The following ZDHHC17 variants were observed in gnomAD, a reference collection of about 807,000 sequenced individuals.
ZDHHC17 encodes palmitoyltransferase ZDHHC17.
ZDHHC17 carries 40 observed loss-of-function variants against 90.3 expected under a neutral mutation model. That is an observed-to-expected ratio of 0.44 (90% CI 0.34 to 0.58). The LOEUF is 0.58. ZDHHC17 is among the 20% of genes least tolerant of loss of function. The probability of loss-of-function intolerance (pLI) is 0.01; values close to 1 mark genes in which losing one functional copy is unlikely to be tolerated. For missense variants in ZDHHC17, 614 were observed against 780.8 expected, an observed-to-expected ratio of 0.79 and a Z score of 2.55; for synonymous variants, 235 against 252.4, an observed-to-expected ratio of 0.93 and a Z score of 0.65.
At chr12:76,767,445 G>A (rs923328692) in intron 1 of ZDHHC17, among the ~76,000 whole-genome samples, 4 of 152,120 alleles carry the variant, frequency 2.6e-5, no homozygotes, top group South Asian at 2.1e-4. Flanking sequence ...TTAGATAAAC[G>A]CCTTTTTAGA....
chr12:76,798,273 C>T (rs937667732), intron 2 of ZDHHC17, among the ~76,000 whole-genome samples: 1 of 152,074 alleles, frequency 6.6e-6, no homozygotes, highest in Admixed American at 6.6e-5. Context: ...CGTCAAAATA[C>T]CAGATTATCA....
intron 1 of ZDHHC17, among the ~76,000 whole-genome samples, chr12:76,794,369 A>C (rs1952795064): frequency 6.6e-6 from 1 of 152,172 alleles, no homozygotes; most frequent in African/African-American, 2.4e-5. Context: ...GATAGTTGTG[A>C]TTATCTTGAT....
At chr12:76,784,849 A>G (rs1225206655) in intron 1 of ZDHHC17, among the ~76,000 whole-genome samples, 1 of 152,232 alleles carries the variant, frequency 6.6e-6, no homozygotes, top group Admixed American at 6.5e-5. Flanking sequence ...TGGTCTACTC[A>G]AAGCAAAAGC....
At chr12:76,774,220 G>C (rs1190575219) in intron 1 of ZDHHC17, among the ~76,000 whole-genome samples, 1 of 151,384 alleles carries the variant, frequency 6.6e-6, no homozygotes, top group Non-Finnish European at 1.5e-5. Context: ...ACTGCACTTC[G>C]GCCTGGATGA....
intron 1 of ZDHHC17, among the ~76,000 whole-genome samples, chr12:76,770,673 T>TA (rs1230672603): frequency 6.6e-6 from 1 of 152,124 alleles, no homozygotes; most frequent in Non-Finnish European, 1.5e-5. Flanking sequence ...CTTGGTGGCT[T>TA]ACGCCTGTAA....
In ZDHHC17 at chr12:76,776,581, C is replaced by T. The variant is rs191757439; in HGVS notation, c.93+12252C>T. ...GACATAGCTGTATTTTAGCACATAA[C>T]GATCTTCCCTATTCTTTGTAGTGTC... On this transcript the variant is annotated intron_variant, in intron 1 of 16. Coordinates refer to ENST00000426126, the MANE Select transcript of ZDHHC17 (RefSeq NM_015336.4). 8.6e-4 allele frequency among the ~76,000 whole-genome samples: 131 copies of T among 152,202 alleles called. 1 individual carries two copies. Among genetic ancestry groups the T allele is most frequent in the African/African-American group, 2.3e-3 (94 of 41,532 alleles).
intron 1 of ZDHHC17, among the ~76,000 whole-genome samples, chr12:76,788,939 C>T (rs751040940): frequency 3.9e-5 from 6 of 151,918 alleles, no homozygotes; most frequent in Non-Finnish European, 8.8e-5. Flanking sequence ...TCAGGTGATC[C>T]GCCTGCCTTG....
At chr12:76,802,718 A>G (rs938248813) in intron 2 of ZDHHC17, among the ~76,000 whole-genome samples, 2 of 151,998 alleles carry the variant, frequency 1.3e-5, no homozygotes, top group Non-Finnish European at 1.5e-5. Context: ...TTTCTGTCTC[A>G]TTTCTGTCTT....
At chr12:76,847,141 G>T (rs959710938) in intron 14 of ZDHHC17, among the ~76,000 whole-genome samples, 7 of 152,210 alleles carry the variant, frequency 4.6e-5, no homozygotes, top group African/African-American at 1.7e-4. Context: ...GTAAATATCA[G>T]AAGTTACCTT....
At chr12:76,804,603 G>A (rs1952933150) in intron 2 of ZDHHC17, among the ~76,000 whole-genome samples, 1 of 152,196 alleles carries the variant, frequency 6.6e-6, no homozygotes, top group Non-Finnish European at 1.5e-5. Context: ...CCCATAAAAG[G>A]GAAGAAAGTT....
At chr12:76,827,275 A>G (rs537338470) in intron 9 of ZDHHC17, among the ~76,000 whole-genome samples, 8 of 152,268 alleles carry the variant, frequency 5.3e-5, no homozygotes, top group Middle Eastern at 6.8e-3. Flanking sequence ...TAACACTAAA[A>G]CATAGTTTGA....
At chr12:76,827,137 G>T in intron 9 of ZDHHC17, 87 bp downstream of exon 9, 1 of 1,342,610 alleles carries the variant, frequency 7.4e-7, no homozygotes. Flanking sequence ...TTTGTATGTT[G>T]TACATTTGAT....
chr12:76,769,843 A>G lies in ZDHHC17; in HGVS notation c.93+5514A>G, dbSNP rs540444856. ...GTGCTCAAAGCCAGAGTTGAAAATTACTGACCAAAAAATTGTTCTGGTTTT... is the reference window on the plus strand; with the variant it reads ...GTGCTCAAAGCCAGAGTTGAAAATTGCTGACCAAAAAATTGTTCTGGTTTT... On this transcript the variant is annotated intron_variant, in intron 1 of 16. Transcript: ENST00000426126. Among the ~76,000 whole-genome samples the G allele has an allele frequency of 1.6e-4, 24 of 152,306 alleles. 1 individual carries two copies. In the South Asian group the frequency reaches 4.8e-3, roughly 30 times the overall value.
In ZDHHC17 at chr12:76,846,548, G is replaced by A. The variant is rs770130880; in HGVS notation, c.1424-48G>A. ...CATACCCCTCAAAGGTGCATTACCCGTTGTTTTTTTCTTAGCTGAAAAACC... is the reference window on the plus strand; with the variant it reads ...CATACCCCTCAAAGGTGCATTACCCATTGTTTTTTTCTTAGCTGAAAAACC... On this transcript the variant is annotated intron_variant, in intron 13 of 16. Transcript: ENST00000426126. 155 of 1,468,932 alleles carry A rather than the reference G, an allele frequency of 1.1e-4. No individual in the cohort carries two copies. The Middle Eastern group carries it at 1.4e-3, about 13-fold the overall frequency. The allele number at this position is 1,468,932 out of a possible 1,614,324, so 91.0% of individuals were successfully genotyped here.
chr12:76,818,215 C>G (rs1953112910), intron 7 of ZDHHC17, among the ~76,000 whole-genome samples: 2 of 152,116 alleles, frequency 1.3e-5, no homozygotes, highest in Admixed American at 1.3e-4. Flanking sequence ...ACACTGGTGA[C>G]AAAGTAGATT....
intron 8 of ZDHHC17, among the ~76,000 whole-genome samples, chr12:76,823,829 A>G (rs1201814168): frequency 1.3e-5 from 2 of 152,158 alleles, no homozygotes; most frequent in African/African-American, 2.4e-5. Context: ...TTTCAGCCCT[A>G]TAAGCTGAGA....
intron 1 of ZDHHC17, among the ~76,000 whole-genome samples, chr12:76,774,290 G>GTGTA (rs1952532067): frequency 1.4e-5 from 2 of 147,480 alleles, no homozygotes; most frequent in South Asian, 4.2e-4. Context: ...GTATGTGTAT[G>GTGTA]TGTGTAAATA....
chr12:76,764,184 G>GCTCGCCCTCCGC lies in ZDHHC17; in HGVS notation c.-45_-34dup, dbSNP rs1337393286. 59 of 1,250,422 alleles carry GCTCGCCCTCCGC rather than the reference G, an allele frequency of 4.7e-5. No homozygotes were observed. The highest frequency in any genetic ancestry group is 3.1e-4 in the African/African-American group (20 of 64,008). The allele number at this position is 1,250,422 out of a possible 1,614,324, so 77.5% of individuals were successfully genotyped here. ...CCGGCGGGGCTCGCGCTCGCCCCGC[G>GCTCGCCCTCCGC]CTCGCCCTCCGCCTCGCCCGAGCCC... On this transcript the variant is annotated 5_prime_UTR_variant, in exon 1 of 17. Transcript: ENST00000426126.
At chr12:76,789,718 TAAG>T (rs375009623) in intron 1 of ZDHHC17, among the ~76,000 whole-genome samples, 4,842 of 150,504 alleles carry the variant, frequency 0.032, 116 homozygotes, top group Non-Finnish European at 0.047. Context: ...AAAAAAAAAA[TAAG>T]GTTAGATTAA....
Sources: gnomAD v4.1 joint callset for allele counts (sites outside exome capture counted in the v4.1 genomes callset) on GRCh38, gnomAD v4.1.1 for gene constraint, MANE v1.5 for transcripts, NCBI Gene and HGNC (gene_info 2026-07-23, HGNC 2026-07-21) for gene names.